Variants in STXBP5L observed in about 807,000 individuals in gnomAD.
The protein encoded by STXBP5L is syntaxin-binding protein 5-like.
STXBP5L carries 65 observed loss-of-function variants against 144.5 expected under a neutral mutation model. The ratio of observed to expected loss-of-function variants is 0.45; its 90% confidence interval spans 0.37 to 0.55. STXBP5L has a LOEUF of 0.55. STXBP5L is among the 20% of genes least tolerant of loss of function. The pLI, the probability that STXBP5L is intolerant of heterozygous loss-of-function variation, is 0.00. For missense variants in STXBP5L, 1,298 were observed against 1,405.5 expected (o/e 0.92, Z 1.22); for synonymous variants, 505 against 469.6 (o/e 1.08, Z -0.97).
chr3:120,941,844 A>G (rs1303979988), intron 2 of STXBP5L, among the ~76,000 whole-genome samples: 2 of 151,772 alleles, frequency 1.3e-5, no homozygotes, highest in East Asian at 3.9e-4. Flanking sequence ...TCATTCGTCA[A>G]TAACTTTGAA....
chr3:121,329,124 G>A (rs950142158), intron 20 of STXBP5L, among the ~76,000 whole-genome samples: 2 of 151,808 alleles, frequency 1.3e-5, no homozygotes, highest in African/African-American at 4.8e-5. Context: ...AGAACAATAT[G>A]GCTTCTCTTG....
chr3:121,249,374 TA>T (rs200069299), intron 14 of STXBP5L, among the ~76,000 whole-genome samples: 2,316 of 152,274 alleles, frequency 0.015, 30 homozygotes, highest in Non-Finnish European at 0.021. Context: ...ATTAATGCCT[TA>T]TTTTTTGGTC....
intron 3 of STXBP5L, among the ~76,000 whole-genome samples, chr3:120,959,737 C>G (rs922061457): frequency 6.6e-6 from 1 of 152,112 alleles, no homozygotes; most frequent in African/African-American, 2.4e-5. Flanking sequence ...TTCCTTACAC[C>G]TTATACAAAA....
At chr3:121,078,196 T>A (rs2042102718) in intron 5 of STXBP5L, among the ~76,000 whole-genome samples, 1 of 152,134 alleles carries the variant, frequency 6.6e-6, no homozygotes. Context: ...CAGATTGGTG[T>A]GTTTACAAAC....
intron 3 of STXBP5L, among the ~76,000 whole-genome samples, chr3:120,980,818 T>C (rs1941692897): frequency 6.6e-6 from 1 of 152,190 alleles, no homozygotes; most frequent in South Asian, 2.1e-4. Flanking sequence ...TTTTTTATAT[T>C]CCTGTGTTTT....
chr3:120,995,440 A>G (rs1943264197), intron 3 of STXBP5L, among the ~76,000 whole-genome samples: 1 of 151,802 alleles, frequency 6.6e-6, no homozygotes, highest in South Asian at 2.1e-4. Flanking sequence ...AAGCCACCAC[A>G]CCTGGCTGTT....
At chr3:121,362,220 G>A (rs1484035757) in intron 20 of STXBP5L, among the ~76,000 whole-genome samples, 3 of 152,178 alleles carry the variant, frequency 2.0e-5, no homozygotes, top group Non-Finnish European at 2.9e-5. Flanking sequence ...TACTATTATT[G>A]TGATGAGTCA....
At chr3:121,132,048 C>T (rs1411576425) in intron 7 of STXBP5L, among the ~76,000 whole-genome samples, 1 of 152,138 alleles carries the variant, frequency 6.6e-6, no homozygotes, top group African/African-American at 2.4e-5. Flanking sequence ...GTGTTTAGCA[C>T]CTCAATTTTT....
chr3:120,974,095 T>A (rs1456372883), intron 3 of STXBP5L, among the ~76,000 whole-genome samples: 3 of 152,170 alleles, frequency 2.0e-5, no homozygotes, highest in Non-Finnish European at 2.9e-5. Context: ...TTTCTAGTTC[T>A]AGATCCCTGA....
At chr3:121,051,689 G>C (rs1224935668) in intron 5 of STXBP5L, among the ~76,000 whole-genome samples, 4 of 152,040 alleles carry the variant, frequency 2.6e-5, no homozygotes, top group Admixed American at 6.6e-5. Context: ...AGAGAAGCAA[G>C]AGGAAACACA....
At chr3:121,281,675 A>C (rs1228183621) in intron 19 of STXBP5L, among the ~76,000 whole-genome samples, 1 of 152,022 alleles carries the variant, frequency 6.6e-6, no homozygotes, top group African/African-American at 2.4e-5. Context: ...TATTTAATTT[A>C]AATTAAACTG....
chr3:121,096,107 C>T (rs940591782), intron 5 of STXBP5L, among the ~76,000 whole-genome samples: 7 of 148,606 alleles, frequency 4.7e-5, no homozygotes, highest in African/African-American at 1.8e-4. Flanking sequence ...ACCCACTATC[C>T]TGCCCCCCAC....
chr3:121,398,636 C>T (rs2046794440), intron 22 of STXBP5L, among the ~76,000 whole-genome samples: 1 of 152,122 alleles, frequency 6.6e-6, no homozygotes. Context: ...TTTAGTATGA[C>T]CATGCTTCCC....
chr3:120,992,848 T>C (rs113564421), intron 3 of STXBP5L, among the ~76,000 whole-genome samples: 2,930 of 152,186 alleles, frequency 0.019, 86 homozygotes, highest in African/African-American at 0.066. Flanking sequence ...ATATGGTAGT[T>C]CTATTTTTAG....
chr3:120,912,660 A>G (rs183299092), intron 2 of STXBP5L, among the ~76,000 whole-genome samples: 22 of 152,036 alleles, frequency 1.4e-4, no homozygotes, highest in Admixed American at 5.2e-4. Context: ...GGTTACTGCA[A>G]TCGTTCAGAA....
At chr3:121,177,072 A>G (rs1486305845) in intron 9 of STXBP5L, among the ~76,000 whole-genome samples, 1 of 148,716 alleles carries the variant, frequency 6.7e-6, no homozygotes, top group African/African-American at 2.5e-5. Context: ...CTAGGCCAAT[A>G]TGCAAAAACT....
Position 121,326,327 on chromosome 3 carries a change from G to A in STXBP5L, c.2176+7787G>A, listed in dbSNP as rs78955622. Reference sequence around the variant, plus strand: ...GTAGGCTTTTTATGGCTTTACCATGGCGTGGTGACCCCAGAATGCTTGCTT... The same window carrying A: ...GTAGGCTTTTTATGGCTTTACCATGACGTGGTGACCCCAGAATGCTTGCTT... On this transcript the variant is annotated intron_variant, in intron 20 of 26. Coordinates refer to ENST00000471454, the MANE Select transcript of STXBP5L (RefSeq NM_001308330.2). Among the ~76,000 whole-genome samples, 465 of 152,012 alleles carry A rather than the reference G, an allele frequency of 3.1e-3. 3 individuals carry two copies. The highest frequency in any genetic ancestry group is 0.01 in the African/African-American group (432 of 41,518).
chr3:121,262,181 G>A (rs2050404399), intron 18 of STXBP5L, among the ~76,000 whole-genome samples: 1 of 152,064 alleles, frequency 6.6e-6, no homozygotes, highest in Non-Finnish European at 1.5e-5. Context: ...CTGAATTTGG[G>A]GAAACACAAA....
chr3:121,390,698 G>A (rs2046560039), intron 22 of STXBP5L, among the ~76,000 whole-genome samples: 1 of 152,284 alleles, frequency 6.6e-6, no homozygotes, highest in African/African-American at 2.4e-5. Context: ...CTTTAAGAAT[G>A]TTGAATATTG....
Sources: gnomAD v4.1 joint callset for allele counts (sites outside exome capture counted in the v4.1 genomes callset) on GRCh38, gnomAD v4.1.1 for gene constraint, MANE v1.5 for transcripts, NCBI Gene and HGNC (gene_info 2026-07-23, HGNC 2026-07-21) for gene names.